The following MMS19 variants were observed in gnomAD, a reference collection of about 807,000 sequenced individuals.
MMS19 encodes the protein MMS19 cytosolic iron-sulfur assembly component.
A neutral mutation model predicts 129.8 loss-of-function variants in MMS19; 77 were observed. That is an observed-to-expected ratio of 0.59 (90% CI 0.49 to 0.72). The LOEUF (loss-of-function observed/expected upper bound fraction) is 0.72, where lower values mean the gene tolerates loss of function less well. MMS19 is among the 30% of genes least tolerant of loss of function. The pLI, the probability that MMS19 is intolerant of heterozygous loss-of-function variation, is 0.00. For synonymous variants in MMS19, 491 were observed against 502.8 expected, an observed-to-expected ratio of 0.98 and a Z score of 0.31; for missense variants, 1,168 against 1,266.3, an observed-to-expected ratio of 0.92 and a Z score of 1.18.
chr10:97,462,559 A>G (rs778208970), intron 20 of MMS19, 24 bp downstream of exon 20: 56 of 1,572,916 alleles, frequency 3.6e-5, no homozygotes, highest in Non-Finnish European at 4.6e-5. Flanking sequence ...CCTGGGTTCA[A>G]GCCACATCCA....
At chr10:97,469,172 C>T in intron 11 of MMS19, 68 bp from the exon 12 acceptor site, 1 of 1,505,936 alleles carries the variant, frequency 6.6e-7, no homozygotes, top group South Asian at 1.3e-5. Flanking sequence ...CAATCCACTG[C>T]CTATTTCCTT....
intron 3 of MMS19, 94 bp from the exon 4 acceptor site, chr10:97,478,483 T>C (rs1486875332): frequency 2.2e-6 from 2 of 911,970 alleles, no homozygotes; most frequent in Non-Finnish European, 3.4e-6. Flanking sequence ...TTGTTTCTGT[T>C]TGGGTTCCAC....
At chr10:97,495,746 A>C (rs537346528) in intron 1 of MMS19, among the ~76,000 whole-genome samples, 45 of 152,222 alleles carry the variant, frequency 3.0e-4, no homozygotes, top group African/African-American at 1.0e-3. Flanking sequence ...AACCTTTTCA[A>C]CTTTTATCTG....
At chr10:97,468,108 A>G in intron 13 of MMS19, 144 bp downstream of exon 13, 1 of 643,672 alleles carries the variant, frequency 1.6e-6, no homozygotes. Flanking sequence ...GGAAAAAGTG[A>G]GTAAGGGAAG....
At chr10:97,491,889 C>T (rs1009243278) in intron 1 of MMS19, among the ~76,000 whole-genome samples, 2 of 152,014 alleles carry the variant, frequency 1.3e-5, no homozygotes, top group African/African-American at 4.8e-5. Context: ...GCCAGTAATC[C>T]TAGTACTCTG....
intron 1 of MMS19, among the ~76,000 whole-genome samples, chr10:97,494,332 A>G (rs978011810): frequency 1.3e-5 from 2 of 152,212 alleles, no homozygotes; most frequent in Non-Finnish European, 2.9e-5. Flanking sequence ...GATCATTGAC[A>G]CAGAATGCAC....
Position 97,460,937 on chromosome 10 carries a change from A to G in MMS19, c.2382T>C (p.Cys794=). ...KVEAGLGSGP[C]RSQAFTLLLW... The stretch of plus-strand genomic sequence containing the variant: ...GAAGAAGAGTGAAGGCCTGACTACG[A>G]CAGGGCCCAGAGCCCAGGCCAGCCT... The change falls in exon 24 of 31, where the codon TGT becomes TGC. Residue 794 remains cysteine, a synonymous_variant. Transcript: ENST00000438925. The G allele has an allele frequency of 1.3e-6, 2 of 1,582,938 alleles. No homozygotes were observed. The highest frequency in any genetic ancestry group is 8.6e-7 in the Non-Finnish European group (1 of 1,163,882).
In MMS19 at chr10:97,498,374, G is replaced by A. The variant is rs745997272; in HGVS notation, c.11C>T (p.Ala4Val). ...AGGCGCCGCCGCCTCCACAGCCGCGGCAGCGGCCATAACGCGAACTAGAGA... is the reference window on the plus strand; with the variant it reads ...AGGCGCCGCCGCCTCCACAGCCGCGACAGCGGCCATAACGCGAACTAGAGA... MAA[A>V]AAVEAAAPMG... Residue 4 changes from alanine to valine, a missense_variant, in exon 1 of 31, where the codon GCC becomes GTC. By Grantham distance (64) the Ala-to-Val change is moderately conservative. Coordinates refer to ENST00000438925, the MANE Select transcript of MMS19 (RefSeq NM_022362.5). 3 of 1,578,288 alleles carry A rather than the reference G, an allele frequency of 1.9e-6. No homozygotes were observed. Among genetic ancestry groups the A allele is most frequent in the Admixed American group, 1.8e-5 (1 of 56,988 alleles).
chr10:97,477,605 A>C (rs1198813297), intron 5 of MMS19, among the ~76,000 whole-genome samples, 189 bp from the exon 6 acceptor site: 1 of 152,234 alleles, frequency 6.6e-6, no homozygotes, highest in Non-Finnish European at 1.5e-5. Context: ...CAATAATTCA[A>C]ACCTGCCTGA....
At chr10:97,491,622 G>A (rs111614149) in intron 1 of MMS19, among the ~76,000 whole-genome samples, 13 of 152,144 alleles carry the variant, frequency 8.5e-5, no homozygotes, top group African/African-American at 2.7e-4. Context: ...CCGAAATCAC[G>A]CCTGGGCGAT....
chr10:97,462,410 C>G (rs575755055), intron 20 of MMS19, among the ~76,000 whole-genome samples, 173 bp downstream of exon 20: 326 of 152,332 alleles, frequency 2.1e-3, no homozygotes, highest in Non-Finnish European at 3.8e-3. Context: ...CCTCATAGTC[C>G]ATGGTGCTAA....
chr10:97,480,288 C>A (rs995277266), intron 3 of MMS19: 1 of 463,818 alleles, frequency 2.2e-6, no homozygotes. Context: ...GGCTTTGGAG[C>A]CCCGCTCTGT....
Position 97,496,615 on chromosome 10 carries a change from C to CA in MMS19, c.112+1657dup, listed in dbSNP as rs199828794. On this transcript the variant is annotated intron_variant, in intron 1 of 30. Transcript: ENST00000438925. The stretch of plus-strand genomic sequence containing the variant: ...TGTCTTTTCAAAATATGTTCTGAAT[C>CA]AAAAAAAAATCCAAAATTATTGTTT... Among the ~76,000 whole-genome samples the CA allele has an allele frequency of 6.2e-3, 920 of 149,490 alleles. 10 individuals are homozygous for CA. Among genetic ancestry groups the CA allele is most frequent in the African/African-American group, 0.021 (863 of 40,730 alleles).
chr10:97,485,819 A>C (rs1220250582), intron 1 of MMS19, among the ~76,000 whole-genome samples: 1 of 152,252 alleles, frequency 6.6e-6, no homozygotes, highest in Non-Finnish European at 1.5e-5. Context: ...AAAAGACAAG[A>C]GATAACAAGT....
intron 9 of MMS19, 64 bp downstream of exon 9, chr10:97,470,711 A>T: frequency 1.9e-6 from 2 of 1,026,968 alleles, no homozygotes; most frequent in Non-Finnish European, 3.0e-6. Flanking sequence ...CCATGCTTTT[A>T]CTGCTCTTTC....
At chr10:97,461,764 A>T (rs917036492) in intron 22 of MMS19, 64 bp downstream of exon 22, 1 of 1,564,292 alleles carries the variant, frequency 6.4e-7, no homozygotes, top group African/African-American at 1.4e-5. Context: ...GCCTGTGGCA[A>T]ATTTCAGCCC....
In MMS19 at chr10:97,466,781, T is replaced by A; in HGVS notation, c.1418A>T (p.Gln473Leu). ...CTCTTTCCCTTAAGATGTACCTGGC[T>A]GGGCACCCAAGACTGTCAGTGTACG... is the stretch of plus-strand genomic sequence containing the variant. ...GIRTLTVLGA[Q>L]PDLLSYEDLE... Residue 473 changes from glutamine (Q) to leucine (L), a missense_variant, in exon 15 of 31, where the codon CAG becomes CTG. Gln to Leu is a moderately radical substitution (Grantham distance 113). Coordinates refer to ENST00000438925, the MANE Select transcript of MMS19 (RefSeq NM_022362.5). The A allele has an allele frequency of 6.2e-7, 1 of 1,614,052 alleles. No homozygotes were observed. Among genetic ancestry groups the A allele is most frequent in the Non-Finnish European group, 8.5e-7 (1 of 1,179,902 alleles).
rs965381055 is a variant in MMS19, at chr10:97,493,154, G to A, written c.112+5119C>T. ...AGCCTCCCAAGTGGCTGCGACTACA[G>A]GCACACCACCATGCTGGGCTGATTT... On this transcript the variant is annotated intron_variant, in intron 1 of 30. Coordinates refer to ENST00000438925, the MANE Select transcript of MMS19 (RefSeq NM_022362.5). Among the ~76,000 whole-genome samples the A allele has an allele frequency of 4.6e-5, 7 of 152,024 alleles. No individual in the cohort carries two copies. The South Asian group carries it at 1.5e-3, about 32-fold the overall frequency.
intron 1 of MMS19, among the ~76,000 whole-genome samples, chr10:97,492,552 AG>A (rs2039090292): frequency 6.6e-6 from 1 of 151,676 alleles, no homozygotes; most frequent in African/African-American, 2.4e-5. Flanking sequence ...CGTAAAAAAA[AG>A]TAAGGAAGAT....
Sources: gnomAD v4.1 joint callset for allele counts (sites outside exome capture counted in the v4.1 genomes callset) on GRCh38, gnomAD v4.1.1 for gene constraint, MANE v1.5 for transcripts, NCBI Gene and HGNC (gene_info 2026-07-23, HGNC 2026-07-21) for gene names.